MGAT5B: variants seen among roughly 807,000 people sequenced by gnomAD.
MGAT5B encodes alpha-1,6-mannosylglycoprotein 6-beta-N-acetylglucosaminyltransferase B, also known as N-acetylglucosaminyl-transferase Vb.
MGAT5B carries 54 observed loss-of-function variants against 95.1 expected under a neutral mutation model. The ratio of observed to expected loss-of-function variants is 0.57; its 90% confidence interval spans 0.46 to 0.71. The LOEUF is 0.71. MGAT5B is among the 30% of genes least tolerant of loss of function. The pLI, the probability that MGAT5B is intolerant of heterozygous loss-of-function variation, is 0.00. For missense variants in MGAT5B, 935 were observed against 1,088.6 expected, an observed-to-expected ratio of 0.86 and a Z score of 1.99; for synonymous variants, 464 against 451.0, an observed-to-expected ratio of 1.03 and a Z score of -0.36.
intron 15 of MGAT5B, among the ~76,000 whole-genome samples, chr17:76,942,269 T>G (rs1969885149): frequency 6.6e-6 from 1 of 152,136 alleles, no homozygotes; most frequent in African/African-American, 2.4e-5. Flanking sequence ...GGCTCACACC[T>G]GTAATCCCTG....
Position 76,904,392 on chromosome 17 carries a change from G to C in MGAT5B, c.660G>C (p.Gln220His). The C allele has an allele frequency of 1.9e-6, 3 of 1,567,166 alleles. No homozygotes were observed. The South Asian group carries it at 3.5e-5, about 18-fold the overall frequency. Residue 220 changes from glutamine (Q) to histidine (H), a missense_variant, in exon 6 of 18, where the codon CAG becomes CAC. Transcript: ENST00000569840. ...PLPWRNQTAA[Q>H]RAPKPLPKVQ... ...CCTGGAGGAACCAGACGGCTGCCCA[G>C]AGGGCACCCAAGCCCCTCCCCAAAG...
chr17:76,910,308 G>C (rs1244594415), intron 8 of MGAT5B, among the ~76,000 whole-genome samples: 1 of 152,234 alleles, frequency 6.6e-6, no homozygotes, highest in African/African-American at 2.4e-5. Context: ...TGAACAGAGA[G>C]CCTGGAATAT....
At chr17:76,939,027 GGGGTGTGTGT>G (rs1330731872) in intron 13 of MGAT5B, among the ~76,000 whole-genome samples, 10 of 97,236 alleles carry the variant, frequency 1.0e-4, no homozygotes, top group African/African-American at 1.9e-4. Context: ...AGGCATCTTG[GGGGTGTGTGT>G]GTGTGTGTGT....
chr17:76,936,616 A>C (rs1393555635), intron 12 of MGAT5B, among the ~76,000 whole-genome samples: 2 of 152,188 alleles, frequency 1.3e-5, no homozygotes, highest in East Asian at 1.9e-4. Context: ...TTTTGCATGA[A>C]CTTTTACATA....
chr17:76,947,473 C>T (rs1221979221), intron 16 of MGAT5B, among the ~76,000 whole-genome samples: 1 of 152,096 alleles, frequency 6.6e-6, no homozygotes, highest in Non-Finnish European at 1.5e-5. Flanking sequence ...GGCCCTGTCC[C>T]CATGGAGGGC....
At chr17:76,876,922 C>T (rs1967214270) in intron 2 of MGAT5B, among the ~76,000 whole-genome samples, 2 of 152,202 alleles carry the variant, frequency 1.3e-5, no homozygotes, top group Non-Finnish European at 2.9e-5. Context: ...CACCCCAGGT[C>T]CTCCTCCTGT....
chr17:76,904,032 C>G (rs1331933895), intron 5 of MGAT5B, among the ~76,000 whole-genome samples: 1 of 152,222 alleles, frequency 6.6e-6, no homozygotes, highest in Non-Finnish European at 1.5e-5. Flanking sequence ...TCTCCTCTTT[C>G]CAGACATGAG....
In MGAT5B at chr17:76,905,240, G is replaced by A; in HGVS notation, c.762G>A (p.Met254Ile). 4 of 1,613,566 alleles carry A rather than the reference G, an allele frequency of 2.5e-6. No individual in the cohort carries two copies. The highest frequency in any genetic ancestry group is 3.4e-6 in the Non-Finnish European group (4 of 1,179,780). ...GCGGGAAGGAGTCCCTGATCTTCAT[G>A]AAGAAGCGGACCAAGAGGCTCACAG... is the stretch of plus-strand genomic sequence containing the variant. ...MGSGKESLIFMKKRTKRLTAQ... is the reference protein window; with the variant it reads ...MGSGKESLIFIKKRTKRLTAQ... Residue 254 changes from methionine to isoleucine, a missense_variant, in exon 7 of 18, where the codon ATG becomes ATA. This residue lies in a region of MGAT5B where 243 missense variants were observed against 305.5 expected (regional missense o/e 0.80). Transcript: ENST00000569840. This position sits in a 1 kb window ranked among gnomAD's most constrained non-coding sequence, Gnocchi z 4.2.
At chr17:76,893,881 C>T (rs527832342) in intron 3 of MGAT5B, among the ~76,000 whole-genome samples, 1 of 152,192 alleles carries the variant, frequency 6.6e-6, no homozygotes, top group Non-Finnish European at 1.5e-5. Flanking sequence ...GTCCTGCCCC[C>T]ACCCTGTGCA....
Position 76,902,639 on chromosome 17 carries a change from C to T in MGAT5B, c.414C>T (p.Ile138=), listed in dbSNP as rs772922363. ...ACATCGCTGTGAAGGTGGACCAGAT[C>T]CTGCGCCACAGTCTGCTCCTGCACA... ...VSDIAVKVDQ[I]LRHSLLLHSK... is the part of the protein sequence containing the mutation. The change falls in exon 4 of 18, where the codon ATC becomes ATT. Residue 138 remains isoleucine (I), a synonymous_variant. Coordinates refer to ENST00000569840, the MANE Select transcript of MGAT5B (RefSeq NM_001199172.2). 1 of 1,599,460 alleles carries T rather than the reference C, an allele frequency of 6.3e-7. No individual in the cohort carries two copies. Among genetic ancestry groups the T allele is most frequent in the Admixed American group, 1.7e-5 (1 of 58,654 alleles).
At position 76,912,307 on chromosome 17, in the gene MGAT5B, C is replaced by T. The variant is rs1023066273; in HGVS notation, c.1025+6120C>T. Among the ~76,000 whole-genome samples, 6 of 152,098 alleles carry T rather than the reference C, an allele frequency of 3.9e-5. No homozygotes were observed. Among genetic ancestry groups the T allele is most frequent in the Non-Finnish European group, 5.9e-5 (4 of 68,004 alleles). On this transcript the variant is annotated intron_variant, in intron 8 of 17. Transcript: ENST00000569840. The surrounding 1 kb of genome is among the most constrained non-coding windows in gnomAD (Gnocchi z 5.0). ...CTGGGCAGAGTTCCCAGCGAGCAAC[C>T]GCGAGCCCTTCAGGGAGAGGCAGAA...
Position 76,938,697 on chromosome 17 carries a change from G to A in MGAT5B, c.1584+554G>A, listed in dbSNP as rs748901683. ...GGCACCCCCTCACCCTCTTTTTTAT[G>A]AGACAGGGTCTTGCTCTGTCACCCA... is the stretch of plus-strand genomic sequence containing the variant. On this transcript the variant is annotated intron_variant, in intron 13 of 17. Coordinates refer to ENST00000569840, the MANE Select transcript of MGAT5B (RefSeq NM_001199172.2). This position sits in a 1 kb window ranked among gnomAD's most constrained non-coding sequence, Gnocchi z 4.3. Among the ~76,000 whole-genome samples the A allele has an allele frequency of 1.1e-3, 166 of 152,164 alleles. No homozygotes were observed. The highest frequency in any genetic ancestry group is 1.3e-3 in the Non-Finnish European group (88 of 67,978).
intron 9 of MGAT5B, among the ~76,000 whole-genome samples, chr17:76,925,795 C>T (rs1423110991): frequency 2.0e-5 from 3 of 152,192 alleles, no homozygotes; most frequent in South Asian, 2.1e-4. Flanking sequence ...CCAGGAAGGA[C>T]GCTGGGGTGA....
At chr17:76,943,626 G>GGGGT (rs1232845185) in intron 15 of MGAT5B, among the ~76,000 whole-genome samples, 33 of 129,250 alleles carry the variant, frequency 2.6e-4, no homozygotes, top group African/African-American at 7.9e-4. Context: ...GGTGGGGTGG[G>GGGGT]GGGGGGGTCT....
rs182358110 is a variant in MGAT5B, at chr17:76,872,935, G to A, written c.153G>A (p.Gly51=). Reference sequence around the variant, plus strand: ...GCCAGTTCTCGGCCCGGCGCCTGGGGGACTCGCCATTCACCATCCGCACAG... The same window carrying A: ...GCCAGTTCTCGGCCCGGCGCCTGGGAGACTCGCCATTCACCATCCGCACAG... The part of the protein sequence containing the change: ...LGGQFSARRL[G]DSPFTIRTEV... Residue 51 remains glycine (G), a synonymous_variant, in exon 2 of 18, where the codon GGG becomes GGA. Coordinates refer to ENST00000569840, the MANE Select transcript of MGAT5B (RefSeq NM_001199172.2). 47 of 1,614,010 alleles carry A rather than the reference G, an allele frequency of 2.9e-5. No individual in the cohort carries two copies. The highest frequency in any genetic ancestry group is 3.8e-5 in the Non-Finnish European group (45 of 1,180,054).
rs549096272 is a variant in MGAT5B at position 76,872,666 on chromosome 17, G to A, written c.69-185G>A. 2.7e-6 allele frequency: 4 copies of A among 1,489,758 alleles called. No homozygotes were observed. In the African/African-American group the frequency reaches 5.6e-5, roughly 21 times the overall value. 92.3% of individuals were successfully genotyped at this position (1,489,758 alleles called of 1,614,324 possible). On this transcript the variant is annotated intron_variant, in intron 1 of 17. Transcript: ENST00000569840. ...CTCGAGGCCAGCATCTTGTAGTTGAGCTCTCTTTATCCTATAGTGGGGGGG... is the reference window on the plus strand; with the variant it reads ...CTCGAGGCCAGCATCTTGTAGTTGAACTCTCTTTATCCTATAGTGGGGGGG...
At chr17:76,943,967 C>T (rs546514303) in intron 15 of MGAT5B, 1 of 152,208 alleles carries the variant, frequency 6.6e-6, no homozygotes, top group African/African-American at 2.4e-5. Context: ...CATGGAAAAC[C>T]AGGGCCCGGC....
intron 8 of MGAT5B, among the ~76,000 whole-genome samples, chr17:76,911,538 C>T (rs931239580): frequency 2.6e-5 from 4 of 152,316 alleles, no homozygotes; most frequent in Middle Eastern, 3.4e-3. Flanking sequence ...CACGTGGGAA[C>T]CTGCTGGCCT....
At chr17:76,942,913 C>T (rs931620475) in intron 15 of MGAT5B, among the ~76,000 whole-genome samples, 3 of 152,192 alleles carry the variant, frequency 2.0e-5, no homozygotes, top group South Asian at 2.1e-4. Flanking sequence ...CAGAGGGGCT[C>T]GGGCAAGGCT....
Sources: gnomAD v4.1 joint callset for allele counts (sites outside exome capture counted in the v4.1 genomes callset) on GRCh38, gnomAD v4.1.1 for gene constraint, gnomAD v4.1.1 regional missense constraint, Gnocchi (gnomAD v3.1) non-coding constraint, MANE v1.5 for transcripts, NCBI Gene and HGNC (gene_info 2026-07-23, HGNC 2026-07-21) for gene names.